Variants in ROBO1 observed in about 807,000 individuals in gnomAD.
ROBO1 encodes the protein roundabout guidance receptor 1, also known as roundabout homolog 1.
In ROBO1, 149 loss-of-function variants were observed where a neutral mutation model predicts 195.9. The observed-to-expected ratio is 0.76, with a 90% CI of 0.67 to 0.87. ROBO1 has a LOEUF of 0.87. Among genes scored for constraint, ROBO1 ranks in the 40% least tolerant of loss-of-function variants. The probability of loss-of-function intolerance (pLI) is 0.00; values close to 1 mark genes in which losing one functional copy is unlikely to be tolerated. For missense variants in ROBO1, 1,933 were observed against 2,068.3 expected, an observed-to-expected ratio of 0.93 and a Z score of 1.27; for synonymous variants, 816 against 733.2, an observed-to-expected ratio of 1.11 and a Z score of -1.82.
At chr3:78,849,697 G>A (rs192148099) in intron 4 of ROBO1, among the ~76,000 whole-genome samples, 193 of 151,990 alleles carry the variant, frequency 1.3e-3, no homozygotes, top group South Asian at 2.1e-3. Flanking sequence ...AGATTTGACA[G>A]GAGGTTCAAA....
At chr3:79,308,622 C>T (rs1222578470) in intron 2 of ROBO1, among the ~76,000 whole-genome samples, 1 of 151,914 alleles carries the variant, frequency 6.6e-6, no homozygotes, top group East Asian at 1.9e-4. Flanking sequence ...CGGGGTCAGG[C>T]AAGGTATTGA....
chr3:78,955,778 C>T (rs1221922476), intron 3 of ROBO1, among the ~76,000 whole-genome samples: 2 of 152,094 alleles, frequency 1.3e-5, no homozygotes, highest in Non-Finnish European at 2.9e-5. Context: ...AAAACAATTA[C>T]ACTTTTAGAA....
chr3:79,434,993 C>G (rs1351894604), intron 2 of ROBO1, among the ~76,000 whole-genome samples: 2 of 151,924 alleles, frequency 1.3e-5, no homozygotes, highest in African/African-American at 4.8e-5. Flanking sequence ...TGTTCTCACT[C>G]ATAGGTGGGA....
chr3:78,805,922 T>A (rs1043880366), intron 4 of ROBO1, among the ~76,000 whole-genome samples: 3 of 152,074 alleles, frequency 2.0e-5, no homozygotes, highest in Non-Finnish European at 4.4e-5. Context: ...TTATAAAAAT[T>A]CTCAATAGAC....
chr3:79,505,437 C>T (rs1470461064), intron 2 of ROBO1, among the ~76,000 whole-genome samples: 1 of 152,170 alleles, frequency 6.6e-6, no homozygotes, highest in Non-Finnish European at 1.5e-5. Context: ...AACTAAATGT[C>T]ATGCTGTCAG....
At chr3:79,176,447 T>C (rs2081262914) in intron 2 of ROBO1, among the ~76,000 whole-genome samples, 1 of 152,144 alleles carries the variant, frequency 6.6e-6, no homozygotes, top group Non-Finnish European at 1.5e-5. Context: ...CTTGTATATA[T>C]CTGAAGATTA....
intron 2 of ROBO1, among the ~76,000 whole-genome samples, chr3:79,476,960 T>A (rs1271386396): frequency 1.3e-5 from 2 of 151,932 alleles, no homozygotes; most frequent in Admixed American, 1.3e-4. Flanking sequence ...AAGAAAAAAA[T>A]TTGGTAATGA....
chr3:79,262,224 T>C (rs1327933708), intron 2 of ROBO1, among the ~76,000 whole-genome samples: 2 of 152,098 alleles, frequency 1.3e-5, no homozygotes, highest in African/African-American at 4.8e-5. Context: ...GAGGGATAGC[T>C]CTTAAACACT....
At chr3:78,881,294 G>T (rs984002867) in intron 4 of ROBO1, among the ~76,000 whole-genome samples, 2 of 152,094 alleles carry the variant, frequency 1.3e-5, no homozygotes, top group Admixed American at 1.3e-4. Context: ...AGTGTGTTAC[G>T]GAGCCCCTCT....
At chr3:78,931,224 T>TTTTC (rs1560012982) in intron 4 of ROBO1, among the ~76,000 whole-genome samples, 7 of 145,164 alleles carry the variant, frequency 4.8e-5, no homozygotes, top group South Asian at 2.2e-4. Context: ...CAACATTTTC[T>TTTTC]TTTCTTTCTT....
At chr3:78,728,126 T>C (rs1452714689) in intron 5 of ROBO1, among the ~76,000 whole-genome samples, 4 of 152,184 alleles carry the variant, frequency 2.6e-5, no homozygotes, top group African/African-American at 7.2e-5. Context: ...TCTTGCTTCA[T>C]TTTCCCAAAA....
chr3:79,161,316 T>A (rs1268941027), intron 2 of ROBO1, among the ~76,000 whole-genome samples: 1 of 152,084 alleles, frequency 6.6e-6, no homozygotes, highest in Non-Finnish European at 1.5e-5. Flanking sequence ...AAGAAATCCA[T>A]GGATTTGCTT....
chr3:79,514,688 T>G (rs1940866513), intron 2 of ROBO1, among the ~76,000 whole-genome samples: 1 of 151,614 alleles, frequency 6.6e-6, no homozygotes, highest in South Asian at 2.1e-4. Context: ...AACCTATTGA[T>G]GTGTATGTGT....
At chr3:79,697,362 T>A (rs1355449043) in intron 1 of ROBO1, among the ~76,000 whole-genome samples, 2 of 151,554 alleles carry the variant, frequency 1.3e-5, no homozygotes, top group East Asian at 1.9e-4. Context: ...TAGAAAAAAA[T>A]TAGATACATA....
chr3:78,892,339 C>G (rs552096665), intron 4 of ROBO1, among the ~76,000 whole-genome samples: 5 of 152,282 alleles, frequency 3.3e-5, no homozygotes, highest in African/African-American at 9.6e-5. Flanking sequence ...TTTCATGAAA[C>G]TGGTCCCTGA....
chr3:79,271,346 G>A (rs563110224), intron 2 of ROBO1, among the ~76,000 whole-genome samples: 1 of 151,946 alleles, frequency 6.6e-6, no homozygotes, highest in African/African-American at 2.4e-5. Context: ...ATACAACACT[G>A]GGAATAGCCT....
At chr3:79,570,066 A>G (rs1943229225) in intron 2 of ROBO1, among the ~76,000 whole-genome samples, 1 of 152,066 alleles carries the variant, frequency 6.6e-6, no homozygotes, top group African/African-American at 2.4e-5. Context: ...GCATGACTGC[A>G]CTCCAGCATG....
chr3:79,419,532 G>A (rs559132888), intron 2 of ROBO1, among the ~76,000 whole-genome samples: 26 of 152,134 alleles, frequency 1.7e-4, no homozygotes, highest in South Asian at 8.3e-4. Flanking sequence ...ATCGCTCCCC[G>A]TTCTTCCTGC....
At chr3:79,205,664 T>C (rs908018754) in intron 2 of ROBO1, among the ~76,000 whole-genome samples, 1 of 152,152 alleles carries the variant, frequency 6.6e-6, no homozygotes, top group Non-Finnish European at 1.5e-5. Flanking sequence ...TGAATTATAC[T>C]CTGGGGAAAT....
Sources: gnomAD v4.1 joint callset for allele counts (sites outside exome capture counted in the v4.1 genomes callset) on GRCh38, gnomAD v4.1.1 for gene constraint, MANE v1.5 for transcripts, NCBI Gene and HGNC (gene_info 2026-07-23, HGNC 2026-07-21) for gene names.